PCNX2: variants seen among roughly 807,000 people sequenced by gnomAD.
The protein encoded by PCNX2 is pecanex-like protein 2.
A neutral mutation model predicts 223.8 loss-of-function variants in PCNX2; 168 were observed. That is an observed-to-expected ratio of 0.75 (90% CI 0.66 to 0.85). PCNX2 has a LOEUF of 0.85. PCNX2 is among the 40% of genes least tolerant of loss of function. The pLI, the probability that PCNX2 is intolerant of heterozygous loss-of-function variation, is 0.00. For synonymous variants in PCNX2, 1,006 were observed against 1,052.6 expected (o/e 0.96, Z 0.86); for missense variants, 2,507 against 2,675.5 (o/e 0.94, Z 1.39).
chr1:233,208,824 TACAAAAAAAA>T, intron 12 of PCNX2, 135 bp from the exon 13 acceptor site: 2 of 11,464 alleles, frequency 1.7e-4, no homozygotes, highest in East Asian at 2.1e-3. Flanking sequence ...ACAATTCATA[TACAAAAAAAA>T]AAAAAAAAAA....
intron 28 of PCNX2, among the ~76,000 whole-genome samples, chr1:233,006,734 A>G (rs537653332): frequency 6.6e-6 from 1 of 152,324 alleles, no homozygotes; most frequent in African/African-American, 2.4e-5. Flanking sequence ...AGGCCTGTAC[A>G]TACTATGTTA....
chr1:233,069,463 T>C (rs377702472), intron 23 of PCNX2, among the ~76,000 whole-genome samples: 1 of 152,098 alleles, frequency 6.6e-6, no homozygotes, highest in Non-Finnish European at 1.5e-5. Context: ...TTCTGGGACA[T>C]AAAATGATCT....
rs1185583714 is a variant in PCNX2 at position 233,056,577 on chromosome 1, C to T, written c.4135+655G>A. ...TTCTCTCTCCAGGTATCTCAAATTTCGAATTTTGATTTCGAATTAATCATG... is the reference window on the plus strand; with the variant it reads ...TTCTCTCTCCAGGTATCTCAAATTTTGAATTTTGATTTCGAATTAATCATG... On this transcript the variant is annotated intron_variant, in intron 24 of 33. Coordinates refer to ENST00000258229, the MANE Select transcript of PCNX2 (RefSeq NM_014801.4). Among the ~76,000 whole-genome samples the T allele has an allele frequency of 2.6e-5, 4 of 152,076 alleles. No homozygotes were observed. In the East Asian group the frequency reaches 5.8e-4, roughly 22 times the overall value.
intron 21 of PCNX2, 140 bp from the exon 22 acceptor site, chr1:233,096,003 C>A (rs1674141605): frequency 4.8e-6 from 3 of 628,388 alleles, no homozygotes; most frequent in South Asian, 2.0e-5. Flanking sequence ...GATCTTCCTG[C>A]ATCTCATGTG....
chr1:233,096,587 C>T (rs1201401053), intron 21 of PCNX2, among the ~76,000 whole-genome samples: 2 of 152,078 alleles, frequency 1.3e-5, no homozygotes, highest in Non-Finnish European at 2.9e-5. Flanking sequence ...CTTCTAGATG[C>T]GGTCAGTCAG....
chr1:233,244,508 C>T (rs553689742), intron 8 of PCNX2, among the ~76,000 whole-genome samples: 6 of 152,022 alleles, frequency 3.9e-5, no homozygotes, highest in Non-Finnish European at 7.4e-5. Context: ...GCCACGAGTT[C>T]GAGACCAGCC....
chr1:233,271,615 T>C (rs1305564411), intron 1 of PCNX2, among the ~76,000 whole-genome samples: 1 of 152,170 alleles, frequency 6.6e-6, no homozygotes, highest in Non-Finnish European at 1.5e-5. Context: ...AGGTCTTAGG[T>C]TTAAGTCTTT....
intron 13 of PCNX2, among the ~76,000 whole-genome samples, chr1:233,206,611 G>C (rs958424304): frequency 2.0e-5 from 3 of 152,118 alleles, no homozygotes; most frequent in Non-Finnish European, 4.4e-5. Flanking sequence ...GGGCAGGAGG[G>C]CACTGACTGG....
Position 233,295,635 on chromosome 1 carries a change from A to G in PCNX2, c.-157T>C. The G allele has an allele frequency of 1.2e-6, 1 of 803,462 alleles. No homozygotes were observed. The highest frequency in any genetic ancestry group is 1.7e-6 in the Non-Finnish European group (1 of 592,960). The allele number at this position is 803,462 out of a possible 1,614,324, so 49.8% of individuals were successfully genotyped here. ...GCCGCCTCCTTCCACCCCACGTTTG[A>G]AGCTGGAGCTGCTCTTCCGCCCGGA... On this transcript the variant is annotated 5_prime_UTR_variant, in exon 1 of 34. Transcript: ENST00000258229. This position sits in a 1 kb window ranked among gnomAD's most constrained non-coding sequence, Gnocchi z 4.1.
intron 1 of PCNX2, among the ~76,000 whole-genome samples, chr1:233,272,573 A>G (rs1159878477): frequency 6.6e-6 from 1 of 152,222 alleles, no homozygotes; most frequent in Non-Finnish European, 1.5e-5. Flanking sequence ...GCCATTATGG[A>G]AAACAGTGTG....
chr1:233,219,212 TA>T (rs1474040259), intron 10 of PCNX2, among the ~76,000 whole-genome samples: 1 of 151,730 alleles, frequency 6.6e-6, no homozygotes, highest in Non-Finnish European at 1.5e-5. Context: ...GTAGCCTAGG[TA>T]GAATAGGGAG....
chr1:233,297,307 C>T, upstream of PCNX2, among the ~76,000 whole-genome samples: 1 of 152,152 alleles, frequency 6.6e-6, no homozygotes, highest in East Asian at 1.9e-4. Flanking sequence ...TTGCAGAAGA[C>T]TAAGAAAGCA....
intron 23 of PCNX2, among the ~76,000 whole-genome samples, chr1:233,060,444 AAC>A (rs1309809272): frequency 1.3e-5 from 2 of 152,236 alleles, no homozygotes; most frequent in Admixed American, 6.5e-5. Flanking sequence ...AAGCCTATAG[AAC>A]ACAGTCTAAA....
At chr1:233,194,450 A>C (rs1306391466) in intron 15 of PCNX2, among the ~76,000 whole-genome samples, 2 of 152,172 alleles carry the variant, frequency 1.3e-5, no homozygotes, top group Non-Finnish European at 2.9e-5. Context: ...TACACAAAGA[A>C]ATGTACATTG....
chr1:233,188,979 G>T (rs1019577465), intron 15 of PCNX2, among the ~76,000 whole-genome samples: 1 of 152,222 alleles, frequency 6.6e-6, no homozygotes, highest in Non-Finnish European at 1.5e-5. Flanking sequence ...TCAAGGGGAG[G>T]AAATTGTACA....
intron 19 of PCNX2, among the ~76,000 whole-genome samples, chr1:233,146,427 C>A (rs866980758): frequency 6.6e-6 from 1 of 152,118 alleles, no homozygotes; most frequent in Non-Finnish European, 1.5e-5. Flanking sequence ...AAGTAACTAG[C>A]GTATTAAACA....
rs987463076 is a variant in PCNX2 at position 233,024,159 on chromosome 1, C to T, written c.4605+987G>A. On this transcript the variant is annotated intron_variant, in intron 26 of 33. Transcript: ENST00000258229. ...TGAACTTCTGGGCTCAAACAATCCT[C>T]CTGCCTTGGCCTCCCAAAGCTCTGG... Among the ~76,000 whole-genome samples the T allele has an allele frequency of 3.3e-5, 5 of 152,208 alleles. No homozygotes were observed. In the East Asian group the frequency reaches 5.8e-4, roughly 18 times the overall value.
chr1:233,318,563 C>CTTTTTTTTTTTTTTTTTTTTTTTTT, the PCNX2 span, among the ~76,000 whole-genome samples: 2 of 92,504 alleles, frequency 2.2e-5, no homozygotes, highest in African/African-American at 8.1e-5. Context: ...TTTTCTTTTT[C>CTTTTTTTTTTTTTTTTTTTTTTTTT]TTTTTTTTTT....
intron 23 of PCNX2, among the ~76,000 whole-genome samples, chr1:233,073,510 C>T (rs1458519684): frequency 1.3e-5 from 2 of 152,070 alleles, no homozygotes; most frequent in South Asian, 2.1e-4. Context: ...GTTGCCCAGG[C>T]TGGTCATGAA....
Sources: gnomAD v4.1 joint callset for allele counts (sites outside exome capture counted in the v4.1 genomes callset) on GRCh38, gnomAD v4.1.1 for gene constraint, Gnocchi (gnomAD v3.1) non-coding constraint, MANE v1.5 for transcripts, NCBI Gene and HGNC (gene_info 2026-07-23, HGNC 2026-07-21) for gene names.